The following TRAF2 variants were observed in gnomAD, a reference collection of about 807,000 sequenced individuals.
TRAF2 encodes the protein TNF receptor-associated factor 2.
A neutral mutation model predicts 55.6 loss-of-function variants in TRAF2; 6 were observed. The ratio of observed to expected loss-of-function variants is 0.11; its 90% CI spans 0.06 to 0.21. TRAF2 has a LOEUF of 0.21. Ranked by LOEUF, TRAF2 falls within the 10% of genes least tolerant of loss-of-function variation. The pLI is 1.00. For missense variants in TRAF2, 561 were observed against 684.5 expected, an observed-to-expected ratio of 0.82 and a Z score of 2.01; for synonymous variants, 329 against 276.3, an observed-to-expected ratio of 1.19 and a Z score of -1.89.
At chr9:136,898,050 G>C (rs1412543136) in intron 1 of TRAF2, among the ~76,000 whole-genome samples, 1 of 146,788 alleles carries the variant, frequency 6.8e-6, no homozygotes, top group Non-Finnish European at 1.5e-5. Context: ...AGGGGAACCC[G>C]TGGTAGCTAA....
chr9:136,889,320 G>A (rs1849526717), intron 1 of TRAF2, among the ~76,000 whole-genome samples: 1 of 137,250 alleles, frequency 7.3e-6, no homozygotes, highest in Non-Finnish European at 1.5e-5. Flanking sequence ...TTTCGCTCTT[G>A]TTGCCCAGGC....
intron 2 of TRAF2, among the ~76,000 whole-genome samples, chr9:136,899,369 G>A (rs1432216008): frequency 6.6e-6 from 1 of 152,188 alleles, no homozygotes; most frequent in Non-Finnish European, 1.5e-5. Flanking sequence ...AGATGTCCTT[G>A]GCGGTTCAGG....
At chr9:136,906,060 C>T (rs17244418) in intron 4 of TRAF2, among the ~76,000 whole-genome samples, 2,427 of 152,172 alleles carry the variant, frequency 0.016, 69 homozygotes, top group Admixed American at 0.084. Context: ...TGCAGTGAGC[C>T]GAGATCGCGC....
intron 4 of TRAF2, among the ~76,000 whole-genome samples, chr9:136,904,131 C>A (rs111425930): frequency 6.6e-6 from 1 of 152,362 alleles, no homozygotes; most frequent in East Asian, 1.9e-4. Flanking sequence ...TTCAACCCCC[C>A]ACACACATTT....
At chr9:136,917,465 C>T (rs926843045) in intron 7 of TRAF2, among the ~76,000 whole-genome samples, 1 of 152,210 alleles carries the variant, frequency 6.6e-6, no homozygotes, top group African/African-American at 2.4e-5. Flanking sequence ...GTCTTTGTCT[C>T]TTGTCCGTCT....
At chr9:136,894,965 G>A (rs951264466) in intron 1 of TRAF2, among the ~76,000 whole-genome samples, 2 of 152,214 alleles carry the variant, frequency 1.3e-5, no homozygotes, top group Non-Finnish European at 2.9e-5. Context: ...TCCAGCTAGG[G>A]AAACATAGTG....
At chr9:136,911,502 T>G (rs1481237855) in intron 6 of TRAF2, among the ~76,000 whole-genome samples, 1 of 152,148 alleles carries the variant, frequency 6.6e-6, no homozygotes, top group Non-Finnish European at 1.5e-5. Context: ...CAACTTTAGG[T>G]GATCCACCTG....
chr9:136,898,490 C>T (rs776918969), intron 1 of TRAF2: 5 of 782,590 alleles, frequency 6.4e-6, no homozygotes, highest in Non-Finnish European at 7.8e-6. Context: ...CTGTGTGGTC[C>T]CCAGCCTCAC....
intron 9 of TRAF2, chr9:136,922,460 C>T: frequency 6.5e-6 from 1 of 152,852 alleles, no homozygotes; most frequent in South Asian, 2.0e-4. Flanking sequence ...GGAGGCCCTG[C>T]CACGGAGGTG....
chr9:136,912,645 T>A (rs1850143286), intron 6 of TRAF2, among the ~76,000 whole-genome samples: 1 of 151,862 alleles, frequency 6.6e-6, no homozygotes. Context: ...GAGACCAGCC[T>A]GGCCAACGTG....
At chr9:136,888,604 G>T (rs1190213919) in intron 1 of TRAF2, among the ~76,000 whole-genome samples, 1 of 152,192 alleles carries the variant, frequency 6.6e-6, no homozygotes, top group South Asian at 2.1e-4. Flanking sequence ...CGTTTGCGGC[G>T]ACTAGGTGAC....
At chr9:136,906,069 G>A (rs544147934) in intron 4 of TRAF2, among the ~76,000 whole-genome samples, 4 of 152,254 alleles carry the variant, frequency 2.6e-5, no homozygotes, top group Non-Finnish European at 5.9e-5. Flanking sequence ...CCGAGATCGC[G>A]CCACTGCACG....
Position 136,898,737 on chromosome 9 carries a change from T to G in TRAF2, c.-4T>G. On this transcript the variant is annotated 5_prime_UTR_variant, in exon 2 of 11. Transcript: ENST00000247668. ...GGGCTTTGTTCGCGGGGGTCACAGC[T>G]CTCATGGCTGCAGCTAGCGTGACCC... 1 of 1,613,254 alleles carries G rather than the reference T, an allele frequency of 6.2e-7. No homozygotes were observed. The highest frequency in any genetic ancestry group is 8.5e-7 in the Non-Finnish European group (1 of 1,179,996).
At chr9:136,884,860 C>T (rs1849416635), upstream of TRAF2, among the ~76,000 whole-genome samples, 1 of 152,242 alleles carries the variant, frequency 6.6e-6, no homozygotes, top group Non-Finnish European at 1.5e-5. Flanking sequence ...CCACGTGAAC[C>T]CTTTCTCATC....
chr9:136,901,000 G>A (rs1439705785), intron 4 of TRAF2, among the ~76,000 whole-genome samples: 2 of 152,212 alleles, frequency 1.3e-5, no homozygotes, highest in Non-Finnish European at 1.5e-5. Context: ...ATTTTGAATT[G>A]TGTTGACACT....
chr9:136,886,581 G>GGT, intron 1 of TRAF2, 40 bp downstream of exon 1: 1 of 982,746 alleles, frequency 1.0e-6, no homozygotes, highest in Non-Finnish European at 1.2e-6. Context: ...TCGGGCGCGG[G>GGT]CGCGGGGTCG....
chr9:136,920,952 CCTG>C (rs1295992177), intron 8 of TRAF2, 83 bp from the exon 9 acceptor site: 33 of 1,528,966 alleles, frequency 2.2e-5, no homozygotes, highest in Non-Finnish European at 1.7e-5. Context: ...AGAGCACTGT[CCTG>C]CTGGAGATCG....
chr9:136,882,018 A>G (rs59554134), upstream of TRAF2: 226 of 985,460 alleles, frequency 2.3e-4, no homozygotes, highest in African/African-American at 3.6e-3. Context: ...GAGCAAGTGG[A>G]CTGCGGCTAT....
At chr9:136,882,497 G>A (rs1050576991), upstream of TRAF2, among the ~76,000 whole-genome samples, 1 of 152,242 alleles carries the variant, frequency 6.6e-6, no homozygotes, top group South Asian at 2.1e-4. Flanking sequence ...GACAGCAGCT[G>A]CATGTGTCCA....
Sources: gnomAD v4.1 joint callset for allele counts (sites outside exome capture counted in the v4.1 genomes callset) on GRCh38, gnomAD v4.1.1 for gene constraint, MANE v1.5 for transcripts, NCBI Gene and HGNC (gene_info 2026-07-23, HGNC 2026-07-21) for gene names.